The following PRKCB variants were observed in gnomAD, a reference collection of about 807,000 sequenced individuals.
PRKCB encodes protein kinase C beta type.
PRKCB carries 13 observed loss-of-function variants against 81.5 expected under a neutral mutation model. That is an observed-to-expected ratio of 0.16 (90% confidence interval 0.10 to 0.25). The LOEUF is 0.25. Among genes scored for constraint, PRKCB ranks in the 10% least tolerant of loss-of-function variants. PRKCB has a pLI of 1.00. For synonymous variants in PRKCB, 335 were observed against 321.4 expected (o/e 1.04, Z -0.45); for missense variants, 509 against 875.7 (o/e 0.58, Z 5.29).
At chr16:24,160,260 T>G (rs1967233698) in intron 10 of PRKCB, among the ~76,000 whole-genome samples, 1 of 151,202 alleles carries the variant, frequency 6.6e-6, no homozygotes, top group Non-Finnish European at 1.5e-5. Flanking sequence ...TTGCAAGGAT[T>G]AGATAAGATT....
chr16:24,045,068 T>C (rs986361172), intron 5 of PRKCB, among the ~76,000 whole-genome samples: 4 of 152,152 alleles, frequency 2.6e-5, no homozygotes, highest in African/African-American at 9.7e-5. Context: ...GTAGTTTTCA[T>C]TACGTTTCAC....
At chr16:23,866,657 C>T (rs1053598380) in intron 2 of PRKCB, among the ~76,000 whole-genome samples, 6 of 152,156 alleles carry the variant, frequency 3.9e-5, no homozygotes, top group Non-Finnish European at 7.4e-5. Flanking sequence ...TCTTTCTACA[C>T]ATCTCATCAA....
intron 10 of PRKCB, among the ~76,000 whole-genome samples, chr16:24,167,009 ATCTC>A (rs1218102461): frequency 6.6e-6 from 1 of 151,872 alleles, no homozygotes; most frequent in Non-Finnish European, 1.5e-5. Flanking sequence ...AGCAAGTGAA[ATCTC>A]TCTCTCACTT....
At chr16:24,036,929 G>T (rs1032825803) in intron 5 of PRKCB, among the ~76,000 whole-genome samples, 2 of 152,168 alleles carry the variant, frequency 1.3e-5, no homozygotes, top group African/African-American at 4.8e-5. Flanking sequence ...GGGCCGCATG[G>T]GATGTGCAGT....
At chr16:23,945,160 G>A (rs1964187746) in intron 2 of PRKCB, among the ~76,000 whole-genome samples, 1 of 152,154 alleles carries the variant, frequency 6.6e-6, no homozygotes, top group Non-Finnish European at 1.5e-5. Context: ...TCATTTCAAT[G>A]ATCAAAGTTC....
In PRKCB at chr16:24,112,704, G is replaced by A. The variant is rs561955868; in HGVS notation, c.822-269G>A. Among the ~76,000 whole-genome samples, 5 of 152,274 alleles carry A rather than the reference G, an allele frequency of 3.3e-5. No homozygotes were observed. The South Asian group carries it at 8.3e-4, about 25-fold the overall frequency. On this transcript the variant is annotated intron_variant, in intron 7 of 16. Coordinates refer to ENST00000643927, the MANE Select transcript of PRKCB (RefSeq NM_002738.7). The stretch of plus-strand genomic sequence containing the variant: ...CTGTGTAAGTGTGTATAGAGAGAGA[G>A]TGAGAACTTTGCCTCCTATGTACAT...
At chr16:24,173,276 C>T (rs572993251) in intron 11 of PRKCB, among the ~76,000 whole-genome samples, 20 of 152,268 alleles carry the variant, frequency 1.3e-4, no homozygotes, top group Admixed American at 9.8e-4. Context: ...TTTTAGAACA[C>T]AGATTTCATC....
intron 3 of PRKCB, among the ~76,000 whole-genome samples, chr16:23,993,398 GA>G (rs1964913901): frequency 2.6e-5 from 4 of 152,174 alleles, no homozygotes; most frequent in Admixed American, 2.6e-4. Flanking sequence ...GGCCTATCAT[GA>G]GTGAGTTGGA....
intron 7 of PRKCB, among the ~76,000 whole-genome samples, chr16:24,096,890 C>T (rs1041642035): frequency 1.3e-5 from 2 of 151,338 alleles, no homozygotes; most frequent in Admixed American, 1.3e-4. Context: ...CATTCAGGAC[C>T]TTTTCAGCTT....
At chr16:23,871,735 G>A (rs1962908077) in intron 2 of PRKCB, among the ~76,000 whole-genome samples, 1 of 151,924 alleles carries the variant, frequency 6.6e-6, no homozygotes, top group South Asian at 2.1e-4. Flanking sequence ...GTGCCACCAT[G>A]CCTGGCTAAT....
At chr16:23,886,417 T>TTTTTTGTTTTTTTTTTTTTG (rs1567302685) in intron 2 of PRKCB, among the ~76,000 whole-genome samples, 1 of 140,192 alleles carries the variant, frequency 7.1e-6, no homozygotes, top group African/African-American at 2.7e-5. Context: ...TTTTTTTTTT[T>TTTTTTGTTTTTTTTTTTTTG]TTTTTTTTTT....
chr16:24,042,383 A>AGAATGGG (rs57528399), intron 5 of PRKCB, among the ~76,000 whole-genome samples: 82,600 of 151,486 alleles, frequency 0.55, 22,634 homozygotes, highest in South Asian at 0.69. Context: ...GGTCACACAC[A>AGAATGGG]GATAGGGCCC....
chr16:24,039,899 G>T (rs1044776075), intron 5 of PRKCB, among the ~76,000 whole-genome samples: 1 of 152,190 alleles, frequency 6.6e-6, no homozygotes, highest in African/African-American at 2.4e-5. Flanking sequence ...TCAGAGAGGA[G>T]CGAGCACTAA....
intron 16 of PRKCB, among the ~76,000 whole-genome samples, chr16:24,198,391 G>A (rs1448778279): frequency 6.6e-6 from 1 of 152,220 alleles, no homozygotes; most frequent in Non-Finnish European, 1.5e-5. Context: ...TGAGCCCAGG[G>A]TACAAGGATT....
At chr16:24,061,633 A>G (rs1417764137) in intron 5 of PRKCB, among the ~76,000 whole-genome samples, 1 of 152,178 alleles carries the variant, frequency 6.6e-6, no homozygotes. Flanking sequence ...ACATCATTTT[A>G]GTACAGAGAG....
chr16:23,944,719 C>T lies in PRKCB; in HGVS notation c.206-43789C>T, dbSNP rs72777999. ...AACCTCACAAAGGGTGCAGTGTCTG[C>T]GGTTGGGAGACTGGTCTCAATTTTC... On this transcript the variant is annotated intron_variant, in intron 2 of 16. Transcript: ENST00000643927. 2.8e-3 allele frequency among the ~76,000 whole-genome samples: 425 copies of T among 152,322 alleles called. 1 individual carries two copies. Among genetic ancestry groups the T allele is most frequent in the Middle Eastern group, 6.8e-3 (2 of 294 alleles).
intron 2 of PRKCB, among the ~76,000 whole-genome samples, chr16:23,883,567 A>G (rs1963155497): frequency 6.6e-6 from 1 of 152,118 alleles, no homozygotes; most frequent in South Asian, 2.1e-4. Flanking sequence ...TAGAGAATGG[A>G]TTGTTGGGGA....
intron 5 of PRKCB, among the ~76,000 whole-genome samples, chr16:24,088,056 T>A (rs1966330423): frequency 6.6e-6 from 1 of 152,218 alleles, no homozygotes; most frequent in Non-Finnish European, 1.5e-5. Flanking sequence ...GAAACATTTA[T>A]CAAGAAAAAT....
Position 24,191,178 on chromosome 16 carries a change from A to T in PRKCB, c.1811A>T (p.Asp604Val). 3.1e-6 allele frequency: 5 copies of T among 1,614,106 alleles called. No homozygotes were observed. The highest frequency in any genetic ancestry group is 4.2e-6 in the Non-Finnish European group (5 of 1,180,012). ...GAGCATGCATTTTTCCGGTATATTGATTGGGAGAAACTTGAACGCAAAGAG... is the reference window on the plus strand; with the variant it reads ...GAGCATGCATTTTTCCGGTATATTGTTTGGGAGAAACTTGAACGCAAAGAG... ...IKEHAFFRYI[D>V]WEKLERKEIQ... The change falls in exon 16 of 17, where the codon GAT becomes GTT. Residue 604 changes from aspartate (D) to valine (V), a missense_variant. By Grantham distance (152) the Asp-to-Val change is radical (BLOSUM62 -3). Coordinates refer to ENST00000643927, the MANE Select transcript of PRKCB (RefSeq NM_002738.7).
Sources: gnomAD v4.1 joint callset for allele counts (sites outside exome capture counted in the v4.1 genomes callset) on GRCh38, gnomAD v4.1.1 for gene constraint, MANE v1.5 for transcripts, NCBI Gene and HGNC (gene_info 2026-07-23, HGNC 2026-07-21) for gene names.